Variants in GRID2 observed in about 807,000 individuals in gnomAD.
The protein encoded by GRID2 is glutamate receptor ionotropic, delta-2.
GRID2 carries 33 observed loss-of-function variants against 114.8 expected under a neutral mutation model. The observed-to-expected ratio is 0.29, with a 90% CI of 0.22 to 0.38. GRID2 has a LOEUF of 0.38. GRID2 is among the 10% of genes least tolerant of loss of function. The pLI is 1.00. For missense variants in GRID2, 1,184 were observed against 1,257.7 expected (o/e 0.94, Z 0.89); for synonymous variants, 505 against 449.9 (o/e 1.12, Z -1.55).
chr4:93,632,917 T>C (rs1015789494), intron 14 of GRID2, among the ~76,000 whole-genome samples: 65 of 152,344 alleles, frequency 4.3e-4, no homozygotes, highest in African/African-American at 1.5e-3. Context: ...TAGTTCTCCT[T>C]GAAGAGGTCC....
chr4:93,037,483 C>T (rs759167255), intron 2 of GRID2, among the ~76,000 whole-genome samples: 60 of 152,046 alleles, frequency 3.9e-4, no homozygotes, highest in Admixed American at 6.6e-4. Flanking sequence ...GTTGCTATTG[C>T]TTGTGGTGTT....
intron 2 of GRID2, among the ~76,000 whole-genome samples, chr4:92,954,508 G>C (rs994418407): frequency 6.6e-6 from 1 of 151,734 alleles, no homozygotes; most frequent in African/African-American, 2.4e-5. Flanking sequence ...CTCACTGCAA[G>C]CTCCACCTCC....
At chr4:92,685,575 T>C (rs1037965475) in intron 2 of GRID2, among the ~76,000 whole-genome samples, 1 of 152,080 alleles carries the variant, frequency 6.6e-6, no homozygotes, top group Non-Finnish European at 1.5e-5. Context: ...TATAATACTT[T>C]CATAGTAATG....
At chr4:92,704,177 T>A (rs901639564) in intron 2 of GRID2, among the ~76,000 whole-genome samples, 1 of 151,796 alleles carries the variant, frequency 6.6e-6, no homozygotes, top group African/African-American at 2.4e-5. Context: ...ACTCAGGAGG[T>A]TGAGGCAGGA....
intron 2 of GRID2, among the ~76,000 whole-genome samples, chr4:93,052,461 A>G (rs1408218388): frequency 6.6e-6 from 1 of 151,956 alleles, no homozygotes; most frequent in Non-Finnish European, 1.5e-5. Flanking sequence ...CCAGGGTTAT[A>G]TGGTGGAGAC....
rs116488304 is a variant in GRID2, at chr4:93,615,824, A to G, written c.2194-10445A>G. Among the ~76,000 whole-genome samples the G allele has an allele frequency of 7.6e-3, 1,155 of 152,176 alleles. 11 individuals are homozygous for G. The highest frequency in any genetic ancestry group is 0.016 in the South Asian group (79 of 4,818). On this transcript the variant is annotated intron_variant, in intron 13 of 15. Transcript: ENST00000282020. ...TACAATCTACACATACCATCAAACA[A>G]CACAGGTGCAGTCAGTTCATCCTTT... is the stretch of plus-strand genomic sequence containing the variant.
chr4:92,841,953 G>A (rs999684553), intron 2 of GRID2, among the ~76,000 whole-genome samples: 2 of 152,096 alleles, frequency 1.3e-5, no homozygotes, highest in African/African-American at 4.8e-5. Flanking sequence ...CAGGGCTGCA[G>A]TAAAATGAAT....
chr4:92,575,992 C>T (rs79593025), intron 1 of GRID2, among the ~76,000 whole-genome samples: 2 of 152,332 alleles, frequency 1.3e-5, no homozygotes, highest in East Asian at 3.9e-4. Flanking sequence ...AACAGCTCTG[C>T]CATGCTAAGG....
At chr4:93,437,114 G>A (rs1580081004) in intron 10 of GRID2, among the ~76,000 whole-genome samples, 2 of 152,062 alleles carry the variant, frequency 1.3e-5, no homozygotes, top group East Asian at 3.9e-4. Context: ...GAATTTAAAA[G>A]CATAGCTTGA....
At chr4:93,782,570 A>G (rs920619930) in intron 1 of GRID2, among the ~76,000 whole-genome samples, 1 of 152,034 alleles carries the variant, frequency 6.6e-6, no homozygotes, top group Non-Finnish European at 1.5e-5. Flanking sequence ...AATTCCACTA[A>G]CACTTTAAAA....
intron 10 of GRID2, among the ~76,000 whole-genome samples, chr4:93,442,838 T>C (rs7672674): frequency 0.47 from 71,105 of 151,812 alleles, 17,786 homozygotes; most frequent in East Asian, 0.7. Flanking sequence ...AATGGGTACC[T>C]CAAACATTAA....
intron 13 of GRID2, among the ~76,000 whole-genome samples, chr4:93,551,408 G>A (rs1733740032): frequency 6.6e-6 from 1 of 152,178 alleles, no homozygotes; most frequent in South Asian, 2.1e-4. Flanking sequence ...TAGTGGGACA[G>A]TCTGCCCAGA....
intron 2 of GRID2, among the ~76,000 whole-genome samples, chr4:92,734,537 G>A (rs1736493876): frequency 6.6e-6 from 1 of 151,994 alleles, no homozygotes; most frequent in African/African-American, 2.4e-5. Context: ...TCCAGCCACA[G>A]GCTTCCAAAG....
intron 2 of GRID2, among the ~76,000 whole-genome samples, chr4:93,036,524 T>G (rs1436485823): frequency 6.6e-6 from 1 of 152,142 alleles, no homozygotes; most frequent in Non-Finnish European, 1.5e-5. Flanking sequence ...TAATTTAAAA[T>G]ATAATAATGG....
intron 2 of GRID2, among the ~76,000 whole-genome samples, chr4:92,937,895 G>A (rs894145569): frequency 2.0e-5 from 3 of 146,468 alleles, no homozygotes; most frequent in African/African-American, 7.3e-5. Flanking sequence ...AAGCACAAGG[G>A]CAAATGTGGA....
chr4:92,658,147 C>G (rs1732338617), intron 2 of GRID2, among the ~76,000 whole-genome samples: 1 of 151,594 alleles, frequency 6.6e-6, no homozygotes, highest in Admixed American at 6.6e-5. Context: ...AAAATGTTGT[C>G]AAATATATTT....
chr4:92,650,840 G>T (rs1731893286), intron 2 of GRID2, among the ~76,000 whole-genome samples: 1 of 152,060 alleles, frequency 6.6e-6, no homozygotes, highest in East Asian at 1.9e-4. Flanking sequence ...ACCACATATA[G>T]TGGATGCTGA....
At chr4:92,926,047 A>G (rs1224678072) in intron 2 of GRID2, among the ~76,000 whole-genome samples, 1 of 152,040 alleles carries the variant, frequency 6.6e-6, no homozygotes, top group Non-Finnish European at 1.5e-5. Flanking sequence ...CTGAGACTGT[A>G]TGTTTTATCT....
At chr4:92,585,727 C>T (rs1379329085) in intron 1 of GRID2, among the ~76,000 whole-genome samples, 1 of 151,712 alleles carries the variant, frequency 6.6e-6, no homozygotes, top group Non-Finnish European at 1.5e-5. Context: ...TCTCTACTAT[C>T]TTATCAGGTA....
Sources: gnomAD v4.1 joint callset for allele counts (sites outside exome capture counted in the v4.1 genomes callset) on GRCh38, gnomAD v4.1.1 for gene constraint, MANE v1.5 for transcripts, NCBI Gene and HGNC (gene_info 2026-07-23, HGNC 2026-07-21) for gene names.